Variants in PARD3 observed in about 807,000 individuals in gnomAD.
The protein encoded by PARD3 is partitioning defective 3 homolog.
PARD3 carries 75 observed loss-of-function variants against 155.4 expected under a neutral mutation model. That is an observed-to-expected ratio of 0.48 (90% CI 0.40 to 0.58). The LOEUF (loss-of-function observed/expected upper bound fraction) is 0.58. Ranked by LOEUF, PARD3 falls within the 20% of genes least tolerant of loss-of-function variation. The probability of loss-of-function intolerance (pLI) is 0.00; values close to 1 mark genes in which losing one functional copy is unlikely to be tolerated. For synonymous variants in PARD3, 576 were observed against 610.5 expected (o/e 0.94, Z 0.83); for missense variants, 1,642 against 1,721.7 (o/e 0.95, Z 0.82).
chr10:34,337,349 C>A lies in PARD3; in HGVS notation c.2486G>T (p.Arg829Leu). The stretch of plus-strand genomic sequence containing the variant: ...ACTGGCATCTGAAAATTGCTTTGTG[C>A]GTTTTTCTGACATACTCTGACGTCC... ...GFGRQSMSEK[R>L]TKQFSDASQL... Residue 829 changes from arginine to leucine, a missense_variant, in exon 17 of 25, where the codon CGC becomes CTC. Arg to Leu is a moderately radical substitution (Grantham distance 102). Transcript: ENST00000374788. The A allele has an allele frequency of 6.2e-7, 1 of 1,602,306 alleles. No homozygotes were observed. The highest frequency in any genetic ancestry group is 8.5e-7 in the Non-Finnish European group (1 of 1,174,220).
At position 34,754,383 on chromosome 10, in the gene PARD3, C is replaced by A. The variant is rs934531534; in HGVS notation, c.121-57964G>T. On this transcript the variant is annotated intron_variant, in intron 1 of 24. Coordinates refer to ENST00000374788, the MANE Select transcript of PARD3 (RefSeq NM_001184785.2). The stretch of plus-strand genomic sequence containing the variant: ...TTTACCTTACCAATAAAAACACTTT[C>A]AAGTCATAAGTAGCTCTTTCTACAA... Among the ~76,000 whole-genome samples, 4 of 152,290 alleles carry A rather than the reference C, an allele frequency of 2.6e-5. No homozygotes were observed. The East Asian group carries it at 5.8e-4, about 22-fold the overall frequency.
chr10:34,127,953 A>C lies in PARD3; in HGVS notation c.3540+3510T>G, dbSNP rs78115265. ...TAACATAATTCTGTCATGTTGCTAC[A>C]TGGGAATGACTCAATGTACTTGATC... is the stretch of plus-strand genomic sequence containing the variant. On this transcript the variant is annotated intron_variant, in intron 23 of 24. Coordinates refer to ENST00000374788, the MANE Select transcript of PARD3 (RefSeq NM_001184785.2). Among the ~76,000 whole-genome samples, 972 of 152,350 alleles carry C rather than the reference A, an allele frequency of 6.4e-3. 11 individuals are homozygous for C. Among genetic ancestry groups the C allele is most frequent in the African/African-American group, 0.022 (898 of 41,572 alleles).
chr10:34,458,940 C>T (rs759892232), intron 4 of PARD3, among the ~76,000 whole-genome samples: 30 of 152,022 alleles, frequency 2.0e-4, no homozygotes, highest in Non-Finnish European at 4.1e-4. Context: ...GACCTATACT[C>T]CTTAAAACAA....
At chr10:34,775,089 T>C (rs1839370834) in intron 1 of PARD3, among the ~76,000 whole-genome samples, 1 of 152,172 alleles carries the variant, frequency 6.6e-6, no homozygotes, top group Non-Finnish European at 1.5e-5. Flanking sequence ...AAGTCACAAA[T>C]CCTTTCAGTT....
chr10:34,544,400 T>G (rs1315383778), intron 2 of PARD3, among the ~76,000 whole-genome samples: 1 of 152,174 alleles, frequency 6.6e-6, no homozygotes, highest in Non-Finnish European at 1.5e-5. Context: ...CAATTCAAAT[T>G]TAACTGCTTG....
In PARD3 at chr10:34,337,308, TA is replaced by T. The variant is rs1167848414; in HGVS notation, c.2526del (p.Thr844HisfsTer9). ...QFSDASQLDF[V>X]KTRKSKSMDL... is the part of the protein sequence containing the mutation. ...TCCATGCTTTTTGATTTTCGTGTTT[TA>T]ACGAAATCCAATTGACTGGCATCTG... On this transcript the variant is annotated frameshift_variant, in exon 17 of 25. Coordinates refer to ENST00000374788, the MANE Select transcript of PARD3 (RefSeq NM_001184785.2). LOFTEE classifies it high-confidence loss of function. The T allele has an allele frequency of 6.2e-7, 1 of 1,601,422 alleles. No homozygotes were observed. Among genetic ancestry groups the T allele is most frequent in the African/African-American group, 1.3e-5 (1 of 74,078 alleles).
chr10:34,449,207 G>A (rs1589616923), intron 5 of PARD3, among the ~76,000 whole-genome samples: 1 of 151,798 alleles, frequency 6.6e-6, no homozygotes, highest in Non-Finnish European at 1.5e-5. Context: ...GTGGGCCACC[G>A]CACCCGGCAG....
chr10:34,730,657 T>C (rs1345956936), intron 1 of PARD3, among the ~76,000 whole-genome samples: 1 of 152,132 alleles, frequency 6.6e-6, no homozygotes, highest in Non-Finnish European at 1.5e-5. Flanking sequence ...TGATGATGCA[T>C]GCCTGTAGTC....
Position 34,599,893 on chromosome 10 carries a change from A to C in PARD3, c.223-82734T>G, listed in dbSNP as rs563775552. ...TAAAAGGCCTTCTTGGAACTTCTTTAATCTGATAAATGGTATCTACAAAGA... is the reference window on the plus strand; with the variant it reads ...TAAAAGGCCTTCTTGGAACTTCTTTCATCTGATAAATGGTATCTACAAAGA... On this transcript the variant is annotated intron_variant, in intron 2 of 24. Coordinates refer to ENST00000374788, the MANE Select transcript of PARD3 (RefSeq NM_001184785.2). Among the ~76,000 whole-genome samples the C allele has an allele frequency of 7.2e-5, 11 of 152,334 alleles. No homozygotes were observed. The South Asian group carries it at 2.3e-3, about 32-fold the overall frequency.
At chr10:34,533,850 G>A (rs1293437044) in intron 2 of PARD3, among the ~76,000 whole-genome samples, 1 of 151,698 alleles carries the variant, frequency 6.6e-6, no homozygotes, top group Non-Finnish European at 1.5e-5. Flanking sequence ...AAAGTACACT[G>A]TTACTCCTTG....
intron 3 of PARD3, 63 bp downstream of exon 3, chr10:34,516,916 A>G: frequency 1.3e-6 from 2 of 1,482,424 alleles, no homozygotes; most frequent in Admixed American, 1.8e-5. Flanking sequence ...ATGGATGAAT[A>G]ACAAAAGTTG....
intron 22 of PARD3, among the ~76,000 whole-genome samples, chr10:34,237,481 G>T (rs1269899038): frequency 6.6e-6 from 1 of 152,118 alleles, no homozygotes; most frequent in African/African-American, 2.4e-5. Flanking sequence ...AACCATGATA[G>T]TTTTTTGTAG....
chr10:34,488,609 T>G (rs968191526), intron 3 of PARD3: 3 of 152,390 alleles, frequency 2.0e-5, no homozygotes, highest in African/African-American at 7.2e-5. Flanking sequence ...CACTGCTTCC[T>G]GTGTCCTGGG....
intron 2 of PARD3, among the ~76,000 whole-genome samples, chr10:34,575,651 T>C (rs1195003642): frequency 2.0e-5 from 3 of 152,146 alleles, no homozygotes; most frequent in Non-Finnish European, 4.4e-5. Flanking sequence ...ATCCCAGCAC[T>C]TTGGGAGGCC....
intron 3 of PARD3, among the ~76,000 whole-genome samples, chr10:34,512,042 A>G (rs2081428260): frequency 6.6e-6 from 1 of 152,202 alleles, no homozygotes; most frequent in African/African-American, 2.4e-5. Context: ...CTGTTGTACT[A>G]GGGATTACAT....
At chr10:34,784,780 C>G (rs1315302294) in intron 1 of PARD3, among the ~76,000 whole-genome samples, 1 of 152,150 alleles carries the variant, frequency 6.6e-6, no homozygotes, top group Non-Finnish European at 1.5e-5. Flanking sequence ...TTTTCCCCGT[C>G]TCTTCATCCC....
chr10:34,799,861 C>T (rs6481913), intron 1 of PARD3, among the ~76,000 whole-genome samples: 53,362 of 151,322 alleles, frequency 0.35, 10,560 homozygotes, highest in African/African-American at 0.55. Flanking sequence ...AGTGTGGTGG[C>T]GCATGCCTGT....
intron 4 of PARD3, among the ~76,000 whole-genome samples, chr10:34,456,441 C>T (rs1184812407): frequency 6.6e-6 from 1 of 152,068 alleles, no homozygotes; most frequent in Admixed American, 6.6e-5. Flanking sequence ...GGATTACAGG[C>T]ACCCACCATC....
intron 2 of PARD3, among the ~76,000 whole-genome samples, chr10:34,681,728 TTTTATATATATATA>T (rs1284010454): frequency 1.1e-4 from 7 of 65,566 alleles, no homozygotes; most frequent in African/African-American, 4.4e-4. Context: ...TACGTATGTA[TTTTATATATATATA>T]TATATATATA....
Sources: allele counts gnomAD v4.1 joint callset (sites outside exome capture counted in the v4.1 genomes callset), GRCh38; gene constraint gnomAD v4.1.1; transcripts MANE v1.5; gene names NCBI Gene and HGNC (gene_info 2026-07-23, HGNC 2026-07-21).